The following RANBP2 variants were observed in gnomAD, a reference collection of about 807,000 sequenced individuals.
The protein encoded by RANBP2 is E3 SUMO-protein ligase RanBP2.
A neutral mutation model predicts 303.6 loss-of-function variants in RANBP2; 57 were observed. The ratio of observed to expected loss-of-function variants is 0.19; its 90% CI spans 0.15 to 0.23. RANBP2 has a LOEUF of 0.23. RANBP2 is among the 10% of genes least tolerant of loss of function. The pLI is 1.00. For missense variants in RANBP2, 3,138 were observed against 3,780.8 expected (o/e 0.83, Z 4.46); for synonymous variants, 1,167 against 1,301.5 (o/e 0.90, Z 2.23).
chr2:109,212,888 G>A, the RANBP2 span, among the ~76,000 whole-genome samples: 3 of 152,158 alleles, frequency 2.0e-5, no homozygotes, highest in African/African-American at 4.8e-5. Context: ...ATCAGACACA[G>A]TCTTGGCTTT....
the RANBP2 span, among the ~76,000 whole-genome samples, chr2:109,517,140 C>T: frequency 1.3e-5 from 2 of 152,094 alleles, no homozygotes; most frequent in Non-Finnish European, 2.9e-5. Context: ...TGTCCCTGTA[C>T]GAGCCTTAGA....
At chr2:108,923,330 A>C in the RANBP2 span, 1 of 1,597,912 alleles carries the variant, frequency 6.3e-7, no homozygotes, top group South Asian at 1.1e-5. Context: ...ATCCGTGCTG[A>C]ACAAATACCG....
At chr2:109,252,598 G>T in the RANBP2 span, among the ~76,000 whole-genome samples, 2 of 152,292 alleles carry the variant, frequency 1.3e-5, no homozygotes, top group African/African-American at 4.8e-5. Context: ...GATGGATTAT[G>T]TCCTGATAAA....
the RANBP2 span, among the ~76,000 whole-genome samples, chr2:109,508,046 G>A: frequency 1.3e-5 from 2 of 152,128 alleles, no homozygotes; most frequent in African/African-American, 4.8e-5. Flanking sequence ...GGTATTGCTG[G>A]GCTCTGCTGC....
At chr2:108,957,238 C>G in the RANBP2 span, among the ~76,000 whole-genome samples, 1 of 152,254 alleles carries the variant, frequency 6.6e-6, no homozygotes, top group Non-Finnish European at 1.5e-5. Flanking sequence ...TTCTGGTGGG[C>G]TCCCAGGTGG....
At position 108,767,739 on chromosome 2, in the gene RANBP2, A is replaced by G. The variant is rs1194319396; in HGVS notation, c.7200A>G (p.Arg2400=). 3 of 1,611,930 alleles carry G rather than the reference A, an allele frequency of 1.9e-6. No individual in the cohort carries two copies. Among genetic ancestry groups the G allele is most frequent in the Non-Finnish European group, 2.5e-6 (3 of 1,179,878 alleles). The change falls in exon 20 of 29, where the codon AGA becomes AGG. Residue 2400 remains arginine (R), a synonymous_variant. Coordinates refer to ENST00000283195, the MANE Select transcript of RANBP2 (RefSeq NM_006267.5). The part of the protein sequence containing the change: ...MTLQNMKGTE[R]VWLWTACDFA... Reference sequence around the variant, plus strand: ...TGCAAAATATGAAAGGGACAGAAAGAGTATGGTTGTGGACTGCATGTGATT... The same window carrying G: ...TGCAAAATATGAAAGGGACAGAAAGGGTATGGTTGTGGACTGCATGTGATT...
chr2:109,236,224 A>T, the RANBP2 span, among the ~76,000 whole-genome samples: 4 of 152,212 alleles, frequency 2.6e-5, no homozygotes, highest in African/African-American at 9.7e-5. Flanking sequence ...TTACAATGTA[A>T]TATACTTGCC....
chr2:108,879,789 G>A, the RANBP2 span, among the ~76,000 whole-genome samples: 1 of 151,804 alleles, frequency 6.6e-6, no homozygotes, highest in Non-Finnish European at 1.5e-5. Context: ...GGAGTGAGAG[G>A]GAATTTGCAA....
At chr2:109,563,977 C>CT in the RANBP2 span, among the ~76,000 whole-genome samples, 1 of 152,070 alleles carries the variant, frequency 6.6e-6, no homozygotes, top group Non-Finnish European at 1.5e-5. Context: ...ATAAATAAAA[C>CT]TAAGAAAATG....
At chr2:108,898,782 A>G in the RANBP2 span, among the ~76,000 whole-genome samples, 4,379 of 152,330 alleles carry the variant, frequency 0.029, 199 homozygotes, top group African/African-American at 0.1. Flanking sequence ...CAAAAGTACA[A>G]TAACCACAAT....
the RANBP2 span, among the ~76,000 whole-genome samples, chr2:109,684,385 C>T: frequency 2.0e-5 from 3 of 151,396 alleles, no homozygotes; most frequent in Non-Finnish European, 2.9e-5. Flanking sequence ...GGATTACAGG[C>T]ATGTGCCACC....
At chr2:109,054,708 A>AAG in the RANBP2 span, among the ~76,000 whole-genome samples, 1 of 151,954 alleles carries the variant, frequency 6.6e-6, no homozygotes, top group African/African-American at 2.4e-5. Context: ...AAAAAAAAAA[A>AAG]AAAAAAGAGT....
chr2:109,123,991 T>C, the RANBP2 span, among the ~76,000 whole-genome samples: 1 of 56,164 alleles, frequency 1.8e-5, no homozygotes, highest in African/African-American at 3.7e-5. Context: ...TTTATTTATT[T>C]ATTTATTTAT....
At chr2:109,711,338 G>C in the RANBP2 span, among the ~76,000 whole-genome samples, 1 of 151,860 alleles carries the variant, frequency 6.6e-6, no homozygotes, top group African/African-American at 2.4e-5. Context: ...ATTGCCAGGG[G>C]TGGGATGCAG....
the RANBP2 span, among the ~76,000 whole-genome samples, chr2:109,040,639 T>C: frequency 6.6e-6 from 1 of 152,350 alleles, no homozygotes; most frequent in African/African-American, 2.4e-5. Context: ...TTCTCACTAG[T>C]GACTTAACTT....
At chr2:108,809,711 C>T in the RANBP2 span, among the ~76,000 whole-genome samples, 1 of 152,070 alleles carries the variant, frequency 6.6e-6, no homozygotes, top group African/African-American at 2.4e-5. Flanking sequence ...TTTATCAGTT[C>T]TGAGAAATTT....
the RANBP2 span, among the ~76,000 whole-genome samples, chr2:109,039,225 T>A: frequency 6.6e-6 from 1 of 152,192 alleles, no homozygotes; most frequent in African/African-American, 2.4e-5. Context: ...AGCCTGCTGG[T>A]CTTTCTTGTG....
chr2:109,475,922 C>G, the RANBP2 span, among the ~76,000 whole-genome samples: 1 of 152,280 alleles, frequency 6.6e-6, no homozygotes, highest in South Asian at 2.1e-4. Flanking sequence ...CCTTCATCAA[C>G]AAAAGAGCCC....
chr2:109,113,114 C>G, the RANBP2 span, among the ~76,000 whole-genome samples: 1 of 152,056 alleles, frequency 6.6e-6, no homozygotes, highest in African/African-American at 2.4e-5. Context: ...CTTGGCAATG[C>G]GGGCCCTTTT....
Sources: allele counts gnomAD v4.1 joint callset (sites outside exome capture counted in the v4.1 genomes callset), GRCh38; gene constraint gnomAD v4.1.1; transcripts MANE v1.5; gene names NCBI Gene and HGNC (gene_info 2026-07-23, HGNC 2026-07-21).